The following ARHGEF3 variants were observed in gnomAD, a reference collection of about 807,000 sequenced individuals.
ARHGEF3 encodes the protein 59.8 kDA protein.
ARHGEF3 carries 28 observed loss-of-function variants against 63.2 expected under a neutral mutation model. The ratio of observed to expected loss-of-function variants is 0.44; its 90% confidence interval spans 0.33 to 0.61. ARHGEF3 has a LOEUF of 0.61. Ranked by LOEUF, ARHGEF3 falls within the 20% of genes least tolerant of loss-of-function variation. The pLI, the probability that ARHGEF3 is intolerant of heterozygous loss-of-function variation, is 0.03. For synonymous variants in ARHGEF3, 266 were observed against 254.2 expected (o/e 1.05, Z -0.44); for missense variants, 533 against 659.3 (o/e 0.81, Z 2.10).
chr3:56,947,525 CAAAG>C (rs1324005405), intron 3 of ARHGEF3, among the ~76,000 whole-genome samples: 1 of 152,096 alleles, frequency 6.6e-6, no homozygotes, highest in African/African-American at 2.4e-5. Context: ...TCAAAAGAGA[CAAAG>C]AAGGCCATTA....
At chr3:56,930,394 G>A (rs934560873) in intron 3 of ARHGEF3, among the ~76,000 whole-genome samples, 11 of 152,070 alleles carry the variant, frequency 7.2e-5, no homozygotes, top group African/African-American at 2.4e-4. Context: ...TTTTAAGGTT[G>A]GTTTCTTCTA....
At chr3:56,968,238 A>G (rs58299351) in intron 2 of ARHGEF3, among the ~76,000 whole-genome samples, 1,101 of 43,372 alleles carry the variant, frequency 0.025, 80 homozygotes, top group African/African-American at 0.085. Flanking sequence ...ATATATAAAT[A>G]TATATATTAA....
intron 2 of ARHGEF3, among the ~76,000 whole-genome samples, chr3:57,020,921 A>C (rs7613896): frequency 0.36 from 54,518 of 152,152 alleles, 10,557 homozygotes; most frequent in African/African-American, 0.5. Context: ...TGGTGGCTGT[A>C]CACCCAGCAG....
intron 4 of ARHGEF3, among the ~76,000 whole-genome samples, chr3:56,873,724 T>G (rs996234732): frequency 2.0e-5 from 3 of 152,186 alleles, no homozygotes; most frequent in African/African-American, 7.2e-5. Context: ...TTAACTCATT[T>G]TTAGCCTTAC....
chr3:56,827,629 C>T (rs1421725065), intron 4 of ARHGEF3, among the ~76,000 whole-genome samples: 1 of 151,520 alleles, frequency 6.6e-6, no homozygotes, highest in African/African-American at 2.4e-5. Flanking sequence ...TAAGAGCGTA[C>T]CCTGGCCAGG....
At chr3:57,065,465 C>CA (rs569274829) in intron 1 of ARHGEF3, among the ~76,000 whole-genome samples, 76 of 138,444 alleles carry the variant, frequency 5.5e-4, no homozygotes, top group African/African-American at 1.4e-3. Flanking sequence ...CATCACAAAA[C>CA]AAAAAAAAAA....
chr3:56,952,349 C>T (rs1470567891), intron 3 of ARHGEF3, among the ~76,000 whole-genome samples: 1 of 152,132 alleles, frequency 6.6e-6, no homozygotes, highest in Non-Finnish European at 1.5e-5. Context: ...ATTCTTCCAA[C>T]AGCCCAAATG....
intron 3 of ARHGEF3, among the ~76,000 whole-genome samples, chr3:56,919,962 G>A (rs1208963413): frequency 2.0e-5 from 3 of 152,172 alleles, no homozygotes; most frequent in Non-Finnish European, 2.9e-5. Flanking sequence ...CCTGCTCTGG[G>A]ATATTCAAGA....
intron 3 of ARHGEF3, among the ~76,000 whole-genome samples, chr3:56,895,604 C>T (rs2041276936): frequency 6.6e-6 from 1 of 152,070 alleles, no homozygotes; most frequent in Admixed American, 6.5e-5. Flanking sequence ...GGTGGGACTA[C>T]AGGAGCCTGC....
intron 2 of ARHGEF3, among the ~76,000 whole-genome samples, chr3:57,025,756 A>T (rs1488527154): frequency 2.0e-5 from 3 of 151,854 alleles, no homozygotes; most frequent in Non-Finnish European, 4.4e-5. Context: ...CAGGGCACGG[A>T]CTCTATTAGA....
At chr3:56,903,916 T>C (rs1028219066) in intron 3 of ARHGEF3, among the ~76,000 whole-genome samples, 8 of 152,098 alleles carry the variant, frequency 5.3e-5, no homozygotes, top group African/African-American at 1.9e-4. Flanking sequence ...CAGGCTGGAG[T>C]GCAGAGGCAT....
chr3:56,764,395 G>C (rs549433012), intron 2 of ARHGEF3, among the ~76,000 whole-genome samples: 83 of 152,288 alleles, frequency 5.5e-4, no homozygotes, highest in African/African-American at 1.9e-3. Context: ...GAACAGCAGT[G>C]AGGTGGGATG....
intron 4 of ARHGEF3, among the ~76,000 whole-genome samples, chr3:56,848,529 T>C (rs2039564595): frequency 6.6e-6 from 1 of 152,154 alleles, no homozygotes; most frequent in African/African-American, 2.4e-5. Flanking sequence ...CTGAAAAATG[T>C]AGGAGCTCAA....
intron 2 of ARHGEF3, among the ~76,000 whole-genome samples, chr3:57,016,939 G>C (rs1174310871): frequency 2.0e-5 from 3 of 151,514 alleles, no homozygotes; most frequent in African/African-American, 7.3e-5. Context: ...CTGTCTGCCG[G>C]GTCTCAGTCC....
At chr3:56,928,383 C>T (rs543710188) in intron 3 of ARHGEF3, among the ~76,000 whole-genome samples, 37 of 152,306 alleles carry the variant, frequency 2.4e-4, no homozygotes, top group African/African-American at 8.2e-4. Context: ...TCCCTACACA[C>T]ATCTGGGTCC....
intron 2 of ARHGEF3, chr3:56,959,000 A>C: frequency 1.7e-6 from 2 of 1,166,396 alleles, no homozygotes; most frequent in Non-Finnish European, 2.5e-6. Context: ...GAAATGGCCC[A>C]AACAAGGTGG....
chr3:56,751,065 G>A lies in ARHGEF3; in HGVS notation c.603C>T (p.Leu201=), dbSNP rs371546890. ...DGSTEHVGPI[L]VGWLPCLSSY... Reference sequence around the variant, plus strand: ...CAGAGAACTTTCTTACCCAGCCCACGAGGATGGGACCAACATGTTCAGTCG... The same window carrying A: ...CAGAGAACTTTCTTACCCAGCCCACAAGGATGGGACCAACATGTTCAGTCG... Residue 201 remains leucine (L), a synonymous_variant, in exon 6 of 10, where the codon CTC becomes CTT. Transcript: ENST00000296315. 1.6e-5 allele frequency: 26 copies of A among 1,613,506 alleles called. No homozygotes were observed. The highest frequency in any genetic ancestry group is 3.3e-5 in the South Asian group (3 of 91,032).
In ARHGEF3 at chr3:56,867,423, T is replaced by C. The variant is rs541742612; in HGVS notation, c.192+14869A>G. Among the ~76,000 whole-genome samples, 38 of 152,198 alleles carry C rather than the reference T, an allele frequency of 2.5e-4. 1 individual carries two copies. Among genetic ancestry groups the C allele is most frequent in the South Asian group, 8.3e-4 (4 of 4,816 alleles). Reference sequence around the variant, plus strand: ...GCTATGAAGAAAAAATAAAGTCAGATAAGAAGAGAGGGGAGTGCCGAGGAG... The same window carrying C: ...GCTATGAAGAAAAAATAAAGTCAGACAAGAAGAGAGGGGAGTGCCGAGGAG... On this transcript the variant is annotated intron_variant, in intron 4 of 12. Transcript: ENST00000338458.
At chr3:56,837,960 A>G (rs1172391217) in intron 4 of ARHGEF3, among the ~76,000 whole-genome samples, 1 of 152,220 alleles carries the variant, frequency 6.6e-6, no homozygotes, top group Non-Finnish European at 1.5e-5. Flanking sequence ...TCAAAGTGAT[A>G]ATTTTTGACT....
Sources: allele counts gnomAD v4.1 joint callset (sites outside exome capture counted in the v4.1 genomes callset), GRCh38; gene constraint gnomAD v4.1.1; transcripts MANE v1.5; gene names NCBI Gene and HGNC (gene_info 2026-07-23, HGNC 2026-07-21).